Variants in SYTL5 observed in about 807,000 individuals in gnomAD.
SYTL5 encodes the protein synaptotagmin-like protein 5.
In SYTL5, 34 loss-of-function variants were observed where a neutral mutation model predicts 55.9. The ratio of observed to expected loss-of-function variants is 0.61; its 90% CI spans 0.46 to 0.81. The LOEUF is 0.81. SYTL5 is among the 30% of genes least tolerant of loss of function. SYTL5 has a pLI of 0.00. For synonymous variants in SYTL5, 221 were observed against 188.7 expected (o/e 1.17, Z -1.40); for missense variants, 637 against 546.7 (o/e 1.17, Z -1.65).
At chrX:37,931,264 C>A in the SYTL5 span, among the ~76,000 whole-genome samples, 1 of 111,584 alleles carries the variant, frequency 9.0e-6, no homozygotes, top group African/African-American at 3.3e-5. Flanking sequence ...GATTCCAATT[C>A]CAAATGTAAG....
At chrX:37,972,541 C>A in the SYTL5 span, among the ~76,000 whole-genome samples, 1 of 110,645 alleles carries the variant, frequency 9.0e-6, no homozygotes, top group Non-Finnish European at 1.9e-5. Flanking sequence ...TCTCTGAGGC[C>A]CCATATGTTT....
chrX:38,079,828 A>T (rs1302310991), intron 6 of SYTL5, among the ~76,000 whole-genome samples: 1 of 111,511 alleles, frequency 9.0e-6, no homozygotes, highest in Non-Finnish European at 1.9e-5. Context: ...GGACCATTGC[A>T]CTCCTATACC....
chrX:38,031,888 G>C (rs1461735200), intron 1 of SYTL5, among the ~76,000 whole-genome samples: 2 of 112,308 alleles, frequency 1.8e-5, no homozygotes, highest in Non-Finnish European at 3.8e-5. Flanking sequence ...ATGGAGGGAA[G>C]ACCTGGAGTA....
chrX:37,966,247 GTCTCTC>G, the SYTL5 span, among the ~76,000 whole-genome samples: 1 of 109,075 alleles, frequency 9.2e-6, no homozygotes, highest in African/African-American at 3.3e-5. Context: ...ATTCCTTTCT[GTCTCTC>G]TCTGTCTCTC....
chrX:38,102,516 T>C (rs1160152482), intron 10 of SYTL5, 82 bp downstream of exon 10: 3 of 692,779 alleles, frequency 4.3e-6, no homozygotes, highest in South Asian at 2.5e-5. Context: ...GATATGAATG[T>C]TCTTAGGAAA....
intron 1 of SYTL5, among the ~76,000 whole-genome samples, chrX:38,019,999 C>G (rs1240669200): frequency 9.0e-6 from 1 of 111,575 alleles, no homozygotes; most frequent in Non-Finnish European, 1.9e-5. Flanking sequence ...TGCTCTATAA[C>G]TCATTCTATC....
chrX:38,054,196 T>C lies in SYTL5; in HGVS notation c.120-17T>C. 8.5e-7 allele frequency: 1 copy of C among 1,170,791 alleles called. No individual in the cohort carries two copies. Among genetic ancestry groups the C allele is most frequent in the East Asian group, 3.0e-5 (1 of 33,472 alleles). Reference sequence around the variant, plus strand: ...TGTTTGTTTTTTTAAGTGATTTTTTTTCCCCTCTTCTTTCAGGAAGCTGAA... The same window carrying C: ...TGTTTGTTTTTTTAAGTGATTTTTTCTCCCCTCTTCTTTCAGGAAGCTGAA... On this transcript the variant is annotated splice_polypyrimidine_tract_variant and intron_variant, in intron 2 of 16. Coordinates refer to ENST00000297875, the MANE Select transcript of SYTL5 (RefSeq NM_138780.3).
chrX:38,018,018 G>A lies in SYTL5; in HGVS notation c.-357+11350G>A, dbSNP rs189140371. 3.8e-3 allele frequency among the ~76,000 whole-genome samples: 418 copies of A among 109,146 alleles called. 2 individuals are homozygous for A. Among genetic ancestry groups the A allele is most frequent in the African/African-American group, 0.013 (397 of 29,927 alleles). 94.8% of individuals were successfully genotyped at this position (109,146 alleles called of 115,157 possible). Reference sequence around the variant, plus strand: ...AAACTTGTTTGTGGAGGTCTGGGGCGTTTCTTCAGACCCCCAGTAAAGTTT... The same window carrying A: ...AAACTTGTTTGTGGAGGTCTGGGGCATTTCTTCAGACCCCCAGTAAAGTTT... On this transcript the variant is annotated intron_variant, in intron 1 of 16. Coordinates refer to ENST00000297875, the MANE Select transcript of SYTL5 (RefSeq NM_138780.3).
intron 2 of SYTL5, among the ~76,000 whole-genome samples, chrX:38,036,891 G>A (rs1255768222): frequency 1.8e-5 from 2 of 111,948 alleles, no homozygotes; most frequent in Non-Finnish European, 3.8e-5. Context: ...ACAGCTTAGA[G>A]CAATGCCAGC....
the SYTL5 span, among the ~76,000 whole-genome samples, chrX:37,941,373 C>T: frequency 1.8e-5 from 2 of 111,421 alleles, no homozygotes; most frequent in Admixed American, 9.5e-5. Context: ...TCATCATTGA[C>T]GTTAACATAA....
the SYTL5 span, among the ~76,000 whole-genome samples, chrX:37,966,404 T>TTATTAATC: frequency 9.2e-6 from 1 of 109,250 alleles, no homozygotes; most frequent in African/African-American, 3.3e-5. Context: ...TCACACATTG[T>TTATTAATC]TATTAATCTC....
At chrX:38,079,108 G>A (rs1228607018) in intron 6 of SYTL5, among the ~76,000 whole-genome samples, 1 of 111,686 alleles carries the variant, frequency 9.0e-6, no homozygotes, top group African/African-American at 3.3e-5. Context: ...TGAGGCAGGA[G>A]GTAGCCCATC....
the SYTL5 span, among the ~76,000 whole-genome samples, chrX:37,942,676 T>C: frequency 1.8e-5 from 2 of 111,753 alleles, no homozygotes; most frequent in African/African-American, 6.5e-5. Flanking sequence ...TCTCCCTTTT[T>C]TCAAATAAAA....
chrX:37,918,610 G>T, the SYTL5 span, among the ~76,000 whole-genome samples: 50 of 111,943 alleles, frequency 4.5e-4, no homozygotes, highest in Admixed American at 1.9e-3. Flanking sequence ...AACTGAGGAT[G>T]GTACTTCAAG....
the SYTL5 span, among the ~76,000 whole-genome samples, chrX:37,911,602 T>G: frequency 0.022 from 2,468 of 111,598 alleles, 93 homozygotes; most frequent in African/African-American, 0.076. Context: ...TAATTTTAAA[T>G]TATTTCTAAT....
Position 38,112,888 on chromosome X carries a change from A to G in SYTL5, c.1596+2406A>G, listed in dbSNP as rs191838819. On this transcript the variant is annotated intron_variant, in intron 13 of 16. Coordinates refer to ENST00000297875, the MANE Select transcript of SYTL5 (RefSeq NM_138780.3). ...ACTTGACGTTTCTCATAGATTATGCAGTCGAGAAGGTGAAACATGAGTTAC... is the reference window on the plus strand; with the variant it reads ...ACTTGACGTTTCTCATAGATTATGCGGTCGAGAAGGTGAAACATGAGTTAC... 1.2e-4 allele frequency among the ~76,000 whole-genome samples: 13 copies of G among 112,340 alleles called. No individual in the cohort carries two copies. In the East Asian group the frequency reaches 3.6e-3, roughly 31 times the overall value.
the SYTL5 span, among the ~76,000 whole-genome samples, chrX:37,936,642 C>T: frequency 8.9e-6 from 1 of 111,902 alleles, no homozygotes; most frequent in Non-Finnish European, 1.9e-5. Flanking sequence ...TATGGTCAAC[C>T]AGGAAGCTGA....
the SYTL5 span, among the ~76,000 whole-genome samples, chrX:37,893,290 A>G: frequency 9.1e-5 from 9 of 98,845 alleles, no homozygotes; most frequent in Non-Finnish European, 1.8e-4. Flanking sequence ...TATATAACAT[A>G]CCACACTATA....
intron 9 of SYTL5, among the ~76,000 whole-genome samples, chrX:38,097,940 C>T (rs776277256): frequency 4.5e-4 from 49 of 108,810 alleles, no homozygotes; most frequent in Non-Finnish European, 8.3e-4. Context: ...GAAAGAATAA[C>T]CTTTTCAACA....
Sources: gnomAD v4.1 joint callset for allele counts (sites outside exome capture counted in the v4.1 genomes callset) on GRCh38, gnomAD v4.1.1 for gene constraint, MANE v1.5 for transcripts, NCBI Gene and HGNC (gene_info 2026-07-23, HGNC 2026-07-21) for gene names.